Variants in CSMD1 observed in about 807,000 individuals in gnomAD.
CSMD1 encodes the protein CUB and Sushi multiple domains 1.
A neutral mutation model predicts 417.5 loss-of-function variants in CSMD1; 213 were observed. The observed-to-expected ratio is 0.51, with a 90% CI of 0.46 to 0.57. The LOEUF (loss-of-function observed/expected upper bound fraction) is 0.57. Ranked by LOEUF, CSMD1 falls within the 20% of genes least tolerant of loss-of-function variation. The pLI is 0.00. For synonymous variants in CSMD1, 2,862 were observed against 1,736.8 expected (o/e 1.65, Z -16.11); for missense variants, 6,923 against 4,529.7 (o/e 1.53, Z -15.17).
intron 1 of CSMD1, among the ~76,000 whole-genome samples, chr8:4,728,132 T>G (rs1008141871): frequency 1.4e-5 from 2 of 146,966 alleles, no homozygotes; most frequent in African/African-American, 4.9e-5. Flanking sequence ...AGACATAAGA[T>G]CATACCTATA....
At chr8:3,932,938 T>A (rs181858212) in intron 5 of CSMD1, among the ~76,000 whole-genome samples, 1 of 150,376 alleles carries the variant, frequency 6.6e-6, no homozygotes, top group Non-Finnish European at 1.5e-5. Context: ...AAATCTTTTT[T>A]AAAAGTGTAT....
At chr8:4,938,422 G>A (rs1387005257) in intron 1 of CSMD1, among the ~76,000 whole-genome samples, 1 of 152,088 alleles carries the variant, frequency 6.6e-6, no homozygotes, top group South Asian at 2.1e-4. Flanking sequence ...TCATCAACAA[G>A]TGGCATATGC....
chr8:4,938,856 T>A (rs1289142655), intron 1 of CSMD1, among the ~76,000 whole-genome samples: 1 of 152,214 alleles, frequency 6.6e-6, no homozygotes, highest in African/African-American at 2.4e-5. Flanking sequence ...AACGTGATGT[T>A]ACTCAGTGGT....
chr8:3,387,484 C>T lies in CSMD1; in HGVS notation c.2782+10G>A, dbSNP rs368060779. On this transcript the variant is annotated intron_variant, in intron 18 of 69. Transcript: ENST00000635120. ...CCTGCTGGTGCATTGCCTCACTGAG[C>T]TGTACCTACCGTCGCAGCTGGGCAA... 7 of 1,589,932 alleles carry T rather than the reference C, an allele frequency of 4.4e-6. No homozygotes were observed. The highest frequency in any genetic ancestry group is 5.1e-6 in the Non-Finnish European group (6 of 1,167,874).
intron 1 of CSMD1, among the ~76,000 whole-genome samples, chr8:4,651,568 C>G (rs1803898619): frequency 6.6e-6 from 1 of 152,180 alleles, no homozygotes; most frequent in Non-Finnish European, 1.5e-5. Context: ...TACTTAAGAA[C>G]AAAACTATTC....
chr8:3,537,130 A>G (rs1417330036), intron 10 of CSMD1, among the ~76,000 whole-genome samples: 1 of 151,912 alleles, frequency 6.6e-6, no homozygotes, highest in Non-Finnish European at 1.5e-5. Context: ...CAGCCTCCCA[A>G]GTAGCTGGGA....
At chr8:3,815,176 A>C (rs1035225461) in intron 5 of CSMD1, among the ~76,000 whole-genome samples, 4 of 152,172 alleles carry the variant, frequency 2.6e-5, no homozygotes, top group African/African-American at 9.7e-5. Context: ...TTAAGTTTCT[A>C]TAGTCCCAGG....
In CSMD1 at chr8:4,762,824, C is replaced by T. The variant is rs575377272; in HGVS notation, c.86-125266G>A. The stretch of plus-strand genomic sequence containing the variant: ...GTATCTAAATTACACCATTTACTAA[C>T]GCGAAGAAAAGATCTTTCTTTGGTA... On this transcript the variant is annotated intron_variant, in intron 1 of 69. Transcript: ENST00000635120. 1.9e-4 allele frequency among the ~76,000 whole-genome samples: 29 copies of T among 152,276 alleles called. 1 individual carries two copies. Among genetic ancestry groups the T allele is most frequent in the Non-Finnish European group, 1.3e-4 (9 of 68,022 alleles).
At position 4,082,095 on chromosome 8, in the gene CSMD1, A is replaced by C. The variant is rs1800167175; in HGVS notation, c.416-49996T>G. ...TTGATGAAGATTACTGAGACTTATC[A>C]AGAAAAAGAAGAGATATGTATTAAC... On this transcript the variant is annotated intron_variant, in intron 3 of 69. Transcript: ENST00000635120. Among the ~76,000 whole-genome samples the C allele has an allele frequency of 2.0e-5, 3 of 152,148 alleles. No homozygotes were observed. In the South Asian group the frequency reaches 6.2e-4, roughly 31 times the overall value.
At chr8:3,600,107 G>C (rs1013204418) in intron 8 of CSMD1, among the ~76,000 whole-genome samples, 15 of 152,188 alleles carry the variant, frequency 9.9e-5, no homozygotes, top group Non-Finnish European at 1.9e-4. Flanking sequence ...CAGGTAAAGA[G>C]AGCGAGGAAT....
chr8:4,013,493 G>A (rs1415523302), intron 4 of CSMD1, among the ~76,000 whole-genome samples: 1 of 152,146 alleles, frequency 6.6e-6, no homozygotes, highest in Non-Finnish European at 1.5e-5. Context: ...GACCAGGAGA[G>A]TCCTGTCCAG....
chr8:4,167,361 A>C (rs931175203), intron 3 of CSMD1, among the ~76,000 whole-genome samples: 137 of 152,320 alleles, frequency 9.0e-4, no homozygotes, highest in African/African-American at 3.2e-3. Flanking sequence ...GCCTGGTGAC[A>C]CTTCAATTTA....
chr8:4,776,982 T>G (rs1435238657), intron 1 of CSMD1, among the ~76,000 whole-genome samples: 1 of 152,188 alleles, frequency 6.6e-6, no homozygotes, highest in Admixed American at 6.5e-5. Context: ...CAATATCAAT[T>G]TAGCGTATTC....
At chr8:4,450,556 A>C (rs1356903831) in intron 2 of CSMD1, among the ~76,000 whole-genome samples, 2 of 151,778 alleles carry the variant, frequency 1.3e-5, no homozygotes, top group African/African-American at 4.8e-5. Context: ...ATTCACTTGA[A>C]CCCGGGAGGC....
rs539474988 is a variant in CSMD1, at chr8:3,857,121, A to C, written c.819-103079T>G. Among the ~76,000 whole-genome samples the C allele has an allele frequency of 1.7e-4, 26 of 152,328 alleles. 1 individual carries two copies. The highest frequency in any genetic ancestry group is 6.3e-4 in the African/African-American group (26 of 41,582). On this transcript the variant is annotated intron_variant, in intron 5 of 69. Coordinates refer to ENST00000635120, the MANE Select transcript of CSMD1 (RefSeq NM_033225.6). ...ACACAGCTCTTTAGTCATAAAAGTA[A>C]CTAAGACAAAGTTGTCTACGAAGTT...
intron 1 of CSMD1, among the ~76,000 whole-genome samples, chr8:4,782,258 A>G (rs1288378087): frequency 6.6e-6 from 1 of 152,336 alleles, no homozygotes. Context: ...GGTTTTCAAT[A>G]TCCTTACCAA....
chr8:4,446,701 C>T (rs913262547), intron 2 of CSMD1, among the ~76,000 whole-genome samples: 3 of 148,606 alleles, frequency 2.0e-5, no homozygotes, highest in African/African-American at 7.8e-5. Context: ...TACTCGTGCC[C>T]ACCACCATGC....
rs915467109 is a variant in CSMD1 at position 3,743,395 on chromosome 8, C to T, written c.931+10535G>A. Among the ~76,000 whole-genome samples, 9 of 152,230 alleles carry T rather than the reference C, an allele frequency of 5.9e-5. No individual in the cohort carries two copies. The South Asian group carries it at 6.2e-4, about 11-fold the overall frequency. On this transcript the variant is annotated intron_variant, in intron 6 of 69. Coordinates refer to ENST00000635120, the MANE Select transcript of CSMD1 (RefSeq NM_033225.6). ...GCCGTCCACACATAAAACTGCATTG[C>T]GTGGAATAGTGTGACATTAGGATGG...
intron 2 of CSMD1, among the ~76,000 whole-genome samples, chr8:4,431,436 G>C (rs1797867265): frequency 6.6e-6 from 1 of 152,082 alleles, no homozygotes; most frequent in African/African-American, 2.4e-5. Context: ...TGAGAGGAGA[G>C]CGAGTGAGCA....
Sources: gnomAD v4.1 joint callset for allele counts (sites outside exome capture counted in the v4.1 genomes callset) on GRCh38, gnomAD v4.1.1 for gene constraint, MANE v1.5 for transcripts, NCBI Gene and HGNC (gene_info 2026-07-23, HGNC 2026-07-21) for gene names.